Variants in ALKBH3 observed in about 807,000 individuals in gnomAD.
ALKBH3 encodes the protein alkB homolog 3, alpha-ketoglutarate dependent dioxygenase, also known as alpha-ketoglutarate-dependent dioxygenase alkB homolog 3.
ALKBH3 carries 51 observed loss-of-function variants against 43.9 expected under a neutral mutation model. The observed-to-expected ratio is 1.16, with a 90% CI of 0.93 to 1.47. The LOEUF (loss-of-function observed/expected upper bound fraction) is 1.47. Ranked by LOEUF, ALKBH3 falls within the 40% of genes most tolerant of loss-of-function variation. The pLI is 0.00. For missense variants in ALKBH3, 361 were observed against 351.9 expected (o/e 1.03, Z -0.21); for synonymous variants, 102 against 115.2 (o/e 0.89, Z 0.73).
intron 8 of ALKBH3, among the ~76,000 whole-genome samples, chr11:43,905,921 G>A (rs1314626260): frequency 6.6e-6 from 1 of 152,190 alleles, no homozygotes; most frequent in East Asian, 1.9e-4. Context: ...TTCTCTGTCG[G>A]TTACCATGGA....
intron 8 of ALKBH3, chr11:43,918,780 A>T: frequency 2.5e-6 from 1 of 407,282 alleles, no homozygotes; most frequent in Non-Finnish European, 4.4e-6. Flanking sequence ...GGATTTACAC[A>T]TATTCTATCA....
chr11:43,891,225 A>C (rs1039433441), intron 6 of ALKBH3, among the ~76,000 whole-genome samples: 4 of 152,204 alleles, frequency 2.6e-5, no homozygotes, highest in African/African-American at 9.7e-5. Flanking sequence ...GCTTTTGGTG[A>C]CAGACATGGC....
chr11:43,913,134 G>A (rs918967529), intron 8 of ALKBH3, among the ~76,000 whole-genome samples: 2 of 150,258 alleles, frequency 1.3e-5, no homozygotes, highest in African/African-American at 2.5e-5. Context: ...AAGTACAGGC[G>A]ACAAACTTGG....
intron 7 of ALKBH3, among the ~76,000 whole-genome samples, chr11:43,900,226 T>A (rs1335574365): frequency 7.6e-6 from 1 of 131,420 alleles, no homozygotes; most frequent in African/African-American, 2.8e-5. Flanking sequence ...TTTTTTTTTT[T>A]TTTTTTTTTT....
At position 43,883,166 on chromosome 11, in the gene ALKBH3, TTG is replaced by T. The variant is rs773603200; in HGVS notation, c.165_166del (p.Phe56GlnfsTer9). On this transcript the variant is annotated frameshift_variant, in exon 3 of 10. Coordinates refer to ENST00000302708, the MANE Select transcript of ALKBH3 (RefSeq NM_139178.4). LOFTEE classifies it high-confidence loss of function. ...GAGCATCATCTCTCTGACAGAGAGT[TTG>T]TGTTCAAAGAACCTCAGCAGGTAAA... The T allele has an allele frequency of 3.1e-6, 5 of 1,613,786 alleles. No individual in the cohort carries two copies. In the African/African-American group the frequency reaches 6.7e-5, roughly 22 times the overall value.
chr11:43,911,851 C>T (rs918008371), intron 8 of ALKBH3, among the ~76,000 whole-genome samples: 1 of 152,028 alleles, frequency 6.6e-6, no homozygotes, highest in Non-Finnish European at 1.5e-5. Flanking sequence ...GGCCAGGCGC[C>T]GTGGCTCATG....
At chr11:43,887,193 A>G (rs1951752394) in intron 5 of ALKBH3, among the ~76,000 whole-genome samples, 2 of 152,326 alleles carry the variant, frequency 1.3e-5, no homozygotes, top group South Asian at 4.1e-4. Flanking sequence ...TCTCCTTTTT[A>G]TTAGTATTTC....
chr11:43,920,208 C>T lies in ALKBH3; in HGVS notation c.*198C>T, dbSNP rs2135212414. The T allele has an allele frequency of 9.1e-6, 5 of 548,256 alleles. No individual in the cohort carries two copies. The Admixed American group carries it at 9.7e-5, about 11-fold the overall frequency. 34.0% of individuals were successfully genotyped at this position (548,256 alleles called of 1,614,324 possible). A position where few individuals can be genotyped will look rare whatever the true frequency, so the allele number is the denominator to read the frequency against. ...TAGGTCTACTGTGGGAACAGTTATCCCTAACCACAGCTCAAAATCGCTATC... is the reference window on the plus strand; with the variant it reads ...TAGGTCTACTGTGGGAACAGTTATCTCTAACCACAGCTCAAAATCGCTATC... On this transcript the variant is annotated 3_prime_UTR_variant, in exon 10 of 10. Coordinates refer to ENST00000302708, the MANE Select transcript of ALKBH3 (RefSeq NM_139178.4).
chr11:43,889,502 C>T (rs1250537966), intron 5 of ALKBH3, among the ~76,000 whole-genome samples: 1 of 152,188 alleles, frequency 6.6e-6, no homozygotes, highest in Non-Finnish European at 1.5e-5. Context: ...ATCCCTTTAT[C>T]CTTCATTGCC....
chr11:43,901,525 G>A lies in ALKBH3; in HGVS notation c.469G>A (p.Val157Met). ...TMEPNPHWHP[V>M]LRTLKNRIEE... ...GGTCTGTGGATTGCAGTGGCACCCT[G>A]TGCTGCGCACACTAAAGAACCGCAT... Residue 157 changes from valine (V) to methionine (M), a missense_variant, in exon 8 of 10, where the codon GTG becomes ATG. Val to Met is a conservative substitution (Grantham distance 21). Coordinates refer to ENST00000302708, the MANE Select transcript of ALKBH3 (RefSeq NM_139178.4). 6.2e-7 allele frequency: 1 copy of A among 1,613,574 alleles called. No homozygotes were observed. The highest frequency in any genetic ancestry group is 1.1e-5 in the South Asian group (1 of 91,052).
chr11:43,886,847 G>C (rs569640820), intron 5 of ALKBH3, among the ~76,000 whole-genome samples, 194 bp downstream of exon 5: 1 of 152,146 alleles, frequency 6.6e-6, no homozygotes, highest in African/African-American at 2.4e-5. Context: ...GCAAACTAAC[G>C]TGGGAACAGA....
intron 7 of ALKBH3, chr11:43,897,246 C>T (rs183953115): frequency 1.7e-4 from 93 of 551,046 alleles, no homozygotes; most frequent in African/African-American, 1.2e-3. Flanking sequence ...AGTGGAACCG[C>T]GACTGCTCCG....
chr11:43,904,351 T>G (rs1951882363), intron 8 of ALKBH3, among the ~76,000 whole-genome samples: 1 of 152,244 alleles, frequency 6.6e-6, no homozygotes, highest in African/African-American at 2.4e-5. Context: ...TTGACTGTAG[T>G]AAGTTTTGGC....
At chr11:43,911,004 A>G (rs572316234) in intron 8 of ALKBH3, among the ~76,000 whole-genome samples, 5 of 152,350 alleles carry the variant, frequency 3.3e-5, no homozygotes, top group African/African-American at 9.6e-5. Flanking sequence ...CATGACAAAC[A>G]TAGTCCCTGC....
Position 43,907,046 on chromosome 11 carries a change from C to G in ALKBH3, c.669+5321C>G, listed in dbSNP as rs1270833773. ...AAGGAAATAGCAATGAAACTAAACT[C>G]CAAGGTACCCTTGGTCTGTGAAATG... On this transcript the variant is annotated intron_variant, in intron 8 of 9. Coordinates refer to ENST00000302708, the MANE Select transcript of ALKBH3 (RefSeq NM_139178.4). Among the ~76,000 whole-genome samples the G allele has an allele frequency of 2.0e-5, 3 of 152,254 alleles. No homozygotes were observed. The East Asian group carries it at 5.8e-4, about 29-fold the overall frequency.
chr11:43,897,331 G>A (rs1447312349), intron 7 of ALKBH3: 4 of 638,282 alleles, frequency 6.3e-6, no homozygotes, highest in Non-Finnish European at 1.2e-5. Flanking sequence ...CTAGACTTTG[G>A]GCTCCTTGAG....
At chr11:43,898,721 G>T in intron 7 of ALKBH3, 2 of 715,858 alleles carry the variant, frequency 2.8e-6, no homozygotes, top group South Asian at 3.1e-5. Flanking sequence ...AGACTGGGCC[G>T]ACTTCTCATC....
chr11:43,899,108 C>T, intron 7 of ALKBH3: 1 of 766,932 alleles, frequency 1.3e-6, no homozygotes, highest in Non-Finnish European at 2.4e-6. Flanking sequence ...GGGACATTGT[C>T]TTTAACATCT....
intron 4 of ALKBH3, among the ~76,000 whole-genome samples, chr11:43,885,861 A>G (rs1297483443): frequency 1.3e-5 from 2 of 152,192 alleles, no homozygotes; most frequent in Non-Finnish European, 2.9e-5. Context: ...TGAGAGGTTA[A>G]TATTATTTGC....
Sources: allele counts gnomAD v4.1 joint callset (sites outside exome capture counted in the v4.1 genomes callset), GRCh38; gene constraint gnomAD v4.1.1; transcripts MANE v1.5; gene names NCBI Gene and HGNC (gene_info 2026-07-23, HGNC 2026-07-21).